Variants in CIP2A observed in about 807,000 individuals in gnomAD.
CIP2A encodes the protein cellular inhibitor of PP2A.
Under a neutral mutation model 110.9 loss-of-function variants are expected in CIP2A, and 103 were observed. The ratio of observed to expected loss-of-function variants is 0.93; its 90% CI spans 0.79 to 1.09. CIP2A has a LOEUF of 1.09. CIP2A is among the 50% of genes least tolerant of loss of function. CIP2A has a pLI of 0.00. For missense variants in CIP2A, 1,088 were observed against 1,038.4 expected (o/e 1.05, Z -0.66); for synonymous variants, 381 against 361.6 (o/e 1.05, Z -0.61).
In CIP2A at chr3:108,552,255, T is replaced by C. The variant is rs778906863; in HGVS notation, c.2526A>G (p.Ile842Met). Reference sequence around the variant, plus strand: ...TTACCTTAATGCTCAACTCTTTTCTTATCTGTTCTGTTCTGCTTAATTCTT... The same window carrying C: ...TTACCTTAATGCTCAACTCTTTTCTCATCTGTTCTGTTCTGCTTAATTCTT... ...LRKELSRTEQ[I>M]RKELSIKASS... Residue 842 changes from isoleucine (I) to methionine (M), a missense_variant, in exon 20 of 21, where the codon ATA becomes ATG. Coordinates refer to ENST00000295746, the MANE Select transcript of CIP2A (RefSeq NM_020890.3). 17 of 1,566,932 alleles carry C rather than the reference T, an allele frequency of 1.1e-5. No homozygotes were observed. Among genetic ancestry groups the C allele is most frequent in the Non-Finnish European group, 1.4e-5 (16 of 1,161,054 alleles).
chr3:108,552,468 A>T, intron 19 of CIP2A, 95 bp from the exon 20 acceptor site: 1 of 676,118 alleles, frequency 1.5e-6, no homozygotes, highest in Non-Finnish European at 2.3e-6. Flanking sequence ...AAAGAGAAAT[A>T]ACTAGAACAA....
chr3:108,559,642 G>A (rs893343053), intron 16 of CIP2A, 115 bp downstream of exon 16: 1 of 515,872 alleles, frequency 1.9e-6, no homozygotes, highest in African/African-American at 2.0e-5. Context: ...AAGGAGGCAT[G>A]TCAAATGCTA....
chr3:108,575,253 T>C (rs914965143), intron 8 of CIP2A, among the ~76,000 whole-genome samples: 1 of 151,884 alleles, frequency 6.6e-6, no homozygotes, highest in East Asian at 1.9e-4. Context: ...TTCCAAAATA[T>C]ATATGTACAT....
chr3:108,574,108 G>A (rs369145051), intron 8 of CIP2A, among the ~76,000 whole-genome samples: 1 of 152,060 alleles, frequency 6.6e-6, no homozygotes, highest in African/African-American at 2.4e-5. Context: ...CAGAATGGAA[G>A]AAAATATTTG....
Position 108,566,662 on chromosome 3 carries a change from A to G in CIP2A, c.1274-24T>C, listed in dbSNP as rs1938198350. 4.0e-6 allele frequency: 6 copies of G among 1,496,608 alleles called. No individual in the cohort carries two copies. In the Admixed American group the frequency reaches 6.6e-5, roughly 16 times the overall value. 92.7% of individuals were successfully genotyped at this position (1,496,608 alleles called of 1,614,324 possible). Reference sequence around the variant, plus strand: ...AGGTTAAGTTTTGTTAAGATATACAACAAAAAAATTCTCACTTTATGTGTA... The same window carrying G: ...AGGTTAAGTTTTGTTAAGATATACAGCAAAAAAATTCTCACTTTATGTGTA... On this transcript the variant is annotated intron_variant, in intron 10 of 20. Transcript: ENST00000295746.
At chr3:108,556,507 C>G (rs1224146969) in intron 17 of CIP2A, among the ~76,000 whole-genome samples, 2 of 152,154 alleles carry the variant, frequency 1.3e-5, no homozygotes, top group African/African-American at 4.8e-5. Flanking sequence ...AATCCAAAAT[C>G]AGTCTAAAAT....
intron 1 of CIP2A, among the ~76,000 whole-genome samples, chr3:108,587,902 C>T (rs1939122325): frequency 6.6e-6 from 1 of 152,136 alleles, no homozygotes; most frequent in South Asian, 2.1e-4. Flanking sequence ...CAGCCTCAGC[C>T]TCCCGAGTAG....
At chr3:108,579,531 T>G in intron 6 of CIP2A, 35 bp downstream of exon 6, 1 of 1,573,656 alleles carries the variant, frequency 6.4e-7, no homozygotes, top group Non-Finnish European at 8.6e-7. Flanking sequence ...TATCAGACTA[T>G]AAACTTCAGA....
chr3:108,566,481 G>A lies in CIP2A; in HGVS notation c.1415+16C>T, dbSNP rs765576613. The A allele has an allele frequency of 1.3e-6, 2 of 1,577,220 alleles. No homozygotes were observed. The highest frequency in any genetic ancestry group is 1.7e-6 in the Non-Finnish European group (2 of 1,165,344). On this transcript the variant is annotated intron_variant, in intron 11 of 20. Transcript: ENST00000295746. ...TTACTGCCTTGCCATTTTGTCATTA[G>A]AGTTTATATACTCACCATAATTCAG...
chr3:108,575,802 G>A (rs1425930313), intron 8 of CIP2A, among the ~76,000 whole-genome samples: 4 of 41,152 alleles, frequency 9.7e-5, no homozygotes, highest in Admixed American at 2.3e-4. Context: ...ATATATACGT[G>A]TATATATACT....
chr3:108,558,156 G>C (rs1937877040), intron 16 of CIP2A, among the ~76,000 whole-genome samples: 1 of 151,876 alleles, frequency 6.6e-6, no homozygotes, highest in African/African-American at 2.4e-5. Context: ...ATGGGGAGAG[G>C]GAAAAATTAT....
chr3:108,565,609 A>G (rs1392870009), intron 11 of CIP2A, among the ~76,000 whole-genome samples, 155 bp from the exon 12 acceptor site: 2 of 151,824 alleles, frequency 1.3e-5, no homozygotes, highest in Non-Finnish European at 3.0e-5. Context: ...AAAAATCTCA[A>G]TCAACATTCT....
intron 2 of CIP2A, 74 bp downstream of exon 2, chr3:108,584,991 A>T: frequency 7.4e-7 from 1 of 1,359,922 alleles, no homozygotes; most frequent in Non-Finnish European, 1.0e-6. Flanking sequence ...AAGAGATTCT[A>T]TAACTAAGCC....
At position 108,563,262 on chromosome 3, in the gene CIP2A, C is replaced by CA. The variant is rs112157054; in HGVS notation, c.1516-19dup. ...CGTGGGTCCTAAATAAATCAGAAAC[C>CA]AAAAAAGAAGCAGCAGAAAGAATAA... On this transcript the variant is annotated intron_variant, in intron 12 of 20. Transcript: ENST00000295746. The CA allele has an allele frequency of 1.8e-4, 252 of 1,415,842 alleles. 3 individuals are homozygous for CA. In the South Asian group the frequency reaches 2.9e-3, roughly 16 times the overall value. The allele number at this position is 1,415,842 out of a possible 1,614,324, so 87.7% of individuals were successfully genotyped here.
At chr3:108,582,262 A>T in intron 3 of CIP2A, 60 bp from the exon 4 acceptor site, 1 of 701,030 alleles carries the variant, frequency 1.4e-6, no homozygotes, top group Admixed American at 2.6e-5. Context: ...GCTTAAAATA[A>T]TGGACTCTCA....
chr3:108,585,802 T>A lies in CIP2A; in HGVS notation c.103-590A>T, dbSNP rs148421581. 59 of 452,600 alleles carry A rather than the reference T, an allele frequency of 1.3e-4. 2 individuals are homozygous for A. The East Asian group carries it at 4.1e-3, about 31-fold the overall frequency. The allele number at this position is 452,600 out of a possible 1,614,324, so 28.0% of individuals were successfully genotyped here. A position where few individuals can be genotyped will look rare whatever the true frequency, so the allele number is the denominator to read the frequency against. ...AGTGAAAAGTGAATCTTTTTTTAAG[T>A]AGCCAGGCAAGGCATTGAAAAATTT... On this transcript the variant is annotated intron_variant, in intron 1 of 20. Transcript: ENST00000295746.
chr3:108,566,751 G>T (rs1938201886), intron 10 of CIP2A, 113 bp from the exon 11 acceptor site: 5 of 605,726 alleles, frequency 8.3e-6, no homozygotes, highest in Non-Finnish European at 1.3e-5. Flanking sequence ...TATAATTATT[G>T]TTAAATTAGC....
intron 20 of CIP2A, 94 bp downstream of exon 20, chr3:108,552,140 G>T: frequency 1.1e-6 from 1 of 942,034 alleles, no homozygotes; most frequent in Non-Finnish European, 1.5e-6. Context: ...TAAAAAATTT[G>T]CTGAAGAAAC....
chr3:108,575,938 G>A lies in CIP2A; in HGVS notation c.894+333C>T, dbSNP rs370534063. ...TATACGTATATATACATACATATAC[G>A]TATATATACATATATGTGTATATAT... On this transcript the variant is annotated intron_variant, in intron 8 of 20. Transcript: ENST00000295746. 2.2e-4 allele frequency among the ~76,000 whole-genome samples: 33 copies of A among 147,990 alleles called. 1 individual carries two copies. The East Asian group carries it at 4.2e-3, about 19-fold the overall frequency.
Sources: allele counts gnomAD v4.1 joint callset (sites outside exome capture counted in the v4.1 genomes callset), GRCh38; gene constraint gnomAD v4.1.1; transcripts MANE v1.5; gene names NCBI Gene and HGNC (gene_info 2026-07-23, HGNC 2026-07-21).